Variants in NUP210L observed in about 807,000 individuals in gnomAD.
NUP210L encodes the protein nucleoporin 210 like.
Under a neutral mutation model 208.5 loss-of-function variants are expected in NUP210L, and 74 were observed. The observed-to-expected ratio is 0.35, with a 90% CI of 0.29 to 0.43. The LOEUF is 0.43. NUP210L is among the 20% of genes least tolerant of loss of function. NUP210L has a pLI of 1.00. For synonymous variants in NUP210L, 780 were observed against 816.9 expected (o/e 0.95, Z 0.77); for missense variants, 1,843 against 2,289.4 (o/e 0.81, Z 3.98).
intron 16 of NUP210L, among the ~76,000 whole-genome samples, chr1:154,071,034 G>A (rs1654687690): frequency 6.7e-6 from 1 of 149,462 alleles, no homozygotes; most frequent in South Asian, 2.1e-4. Context: ...TTTTGTTATT[G>A]TTTTTCATGA....
At chr1:154,108,350 G>T (rs1343965424) in intron 12 of NUP210L, among the ~76,000 whole-genome samples, 2 of 151,996 alleles carry the variant, frequency 1.3e-5, no homozygotes, top group African/African-American at 2.4e-5. Context: ...TAGAGACAGG[G>T]TTTCACCATG....
Position 154,029,686 on chromosome 1 carries a change from G to A in NUP210L, c.3855+210C>T, listed in dbSNP as rs149062762. 7.6e-4 allele frequency among the ~76,000 whole-genome samples: 116 copies of A among 152,092 alleles called. 1 individual carries two copies. The highest frequency in any genetic ancestry group is 2.6e-3 in the African/African-American group (107 of 41,502). On this transcript the variant is annotated intron_variant, in intron 28 of 39. Transcript: ENST00000368559. ...GCCTTGGCAACAAGAGCGAAACTCC[G>A]TCTCAAAACAAAACAAAACAAAAAC...
At chr1:154,117,566 CAG>C (rs1657391241) in intron 12 of NUP210L, among the ~76,000 whole-genome samples, 157 bp downstream of exon 12, 1 of 151,884 alleles carries the variant, frequency 6.6e-6, no homozygotes, top group Non-Finnish European at 1.5e-5. Context: ...GCCTGGGAAA[CAG>C]AGCAACATCT....
chr1:154,124,711 G>A (rs1156556320), intron 10 of NUP210L, among the ~76,000 whole-genome samples: 1 of 152,146 alleles, frequency 6.6e-6, no homozygotes, highest in African/African-American at 2.4e-5. Flanking sequence ...CAACATTTTG[G>A]GACGCCAAGG....
intron 33 of NUP210L, among the ~76,000 whole-genome samples, chr1:154,018,445 C>T (rs1651386373): frequency 6.6e-6 from 1 of 152,270 alleles, no homozygotes; most frequent in Non-Finnish European, 1.5e-5. Context: ...ACTGTTCCAC[C>T]TACAGTCTTC....
intron 12 of NUP210L, among the ~76,000 whole-genome samples, chr1:154,108,850 C>T (rs1228689619): frequency 6.6e-6 from 1 of 151,756 alleles, no homozygotes; most frequent in African/African-American, 2.4e-5. Context: ...CCTATAATCC[C>T]AGCACTTTGG....
Position 153,993,895 on chromosome 1 carries a change from CAAAA to C in NUP210L, c.5492-810_5492-807del, listed in dbSNP as rs560022336. On this transcript the variant is annotated intron_variant, in intron 38 of 39. Transcript: ENST00000368559. ...CCTGGGTGACAATGGGACTCCATCT[CAAAA>C]AAATTTTTTTTTAGACACACAGTAT... 3.3e-5 allele frequency among the ~76,000 whole-genome samples: 5 copies of C among 152,106 alleles called. 1 individual carries two copies. Among genetic ancestry groups the C allele is most frequent in the African/African-American group, 1.2e-4 (5 of 41,492 alleles).
In NUP210L at chr1:154,027,508, G is replaced by A. The variant is rs773901198; in HGVS notation, c.3945C>T (p.Asn1315=). ...TCCTTATTCTCCCTTTTCCTTACCT[G>A]TTGGTATGGAGTTTGAGCTGAGAAT... Residue 1315 remains asparagine, a splice_region_variant and synonymous_variant, in exon 29 of 40, where the codon AAC becomes AAT. Transcript: ENST00000368559. 2.5e-6 allele frequency: 4 copies of A among 1,597,722 alleles called. No individual in the cohort carries two copies. In the Admixed American group the frequency reaches 6.7e-5, roughly 27 times the overall value.
At chr1:154,140,677 A>C (rs184102744) in intron 4 of NUP210L, among the ~76,000 whole-genome samples, 39 of 146,696 alleles carry the variant, frequency 2.7e-4, no homozygotes, top group African/African-American at 8.4e-4. Flanking sequence ...AAAAAAAAAA[A>C]CAGAAAAAGA....
intron 37 of NUP210L, chr1:153,995,714 A>G (rs1016901038): frequency 5.3e-6 from 5 of 949,594 alleles, no homozygotes; most frequent in Admixed American, 3.4e-5. Context: ...ACCCTTGGTA[A>G]TAGAATTGTT....
At chr1:154,126,125 A>G (rs2148116521) in intron 10 of NUP210L, among the ~76,000 whole-genome samples, 198 bp downstream of exon 10, 1 of 152,284 alleles carries the variant, frequency 6.6e-6, no homozygotes, top group East Asian at 1.9e-4. Context: ...ATGACCGCAA[A>G]TGCAGATATT....
At chr1:154,068,652 C>G (rs1357312125) in intron 17 of NUP210L, among the ~76,000 whole-genome samples, 1 of 152,110 alleles carries the variant, frequency 6.6e-6, no homozygotes, top group African/African-American at 2.4e-5. Flanking sequence ...TGCACTCCAG[C>G]CTGGGTGACA....
intron 12 of NUP210L, among the ~76,000 whole-genome samples, chr1:154,105,359 G>A (rs552896001): frequency 9.6e-4 from 146 of 152,066 alleles, no homozygotes; most frequent in Non-Finnish European, 1.8e-3. Flanking sequence ...GCGTGGTGGC[G>A]GGCACCTGTA....
Position 153,995,198 on chromosome 1 carries a change from CAA to C in NUP210L, c.5387-20_5387-19del, listed in dbSNP as rs1163057068. The C allele has an allele frequency of 1.3e-6, 2 of 1,553,618 alleles. No individual in the cohort carries two copies. Among genetic ancestry groups the C allele is most frequent in the African/African-American group, 1.4e-5 (1 of 73,194 alleles). ...ACAGTGATCTATACATTGGCCATAA[CAA>C]AACAAGATAATAGTTAATAGCAACC... On this transcript the variant is annotated intron_variant, in intron 37 of 39. Coordinates refer to ENST00000368559, the Ensembl canonical transcript of NUP210L.
intron 17 of NUP210L, among the ~76,000 whole-genome samples, chr1:154,063,488 C>A (rs560794726): frequency 6.6e-6 from 1 of 152,216 alleles, no homozygotes; most frequent in East Asian, 1.9e-4. Flanking sequence ...CTACAACATA[C>A]AAATTTTACC....
At chr1:154,136,084 G>A (rs1658531474) in intron 6 of NUP210L, 112 bp from the exon 7 acceptor site, 2 of 729,420 alleles carry the variant, frequency 2.7e-6, no homozygotes, top group African/African-American at 3.5e-5. Context: ...ATAAGAGTAT[G>A]ATCTGCTTCT....
chr1:154,018,490 C>T lies in NUP210L; in HGVS notation c.4653+443G>A, dbSNP rs532549268. Among the ~76,000 whole-genome samples the T allele has an allele frequency of 5.3e-5, 8 of 152,288 alleles. No homozygotes were observed. In the South Asian group the frequency reaches 1.7e-3, roughly 32 times the overall value. Reference sequence around the variant, plus strand: ...GTTGACGGTAATGCTGTCCTTTCAGCTGTTCAACCAAAAACCTGAATCATT... The same window carrying T: ...GTTGACGGTAATGCTGTCCTTTCAGTTGTTCAACCAAAAACCTGAATCATT... On this transcript the variant is annotated intron_variant, in intron 33 of 39. Coordinates refer to ENST00000368559, the Ensembl canonical transcript of NUP210L.
chr1:154,054,716 G>C (rs1653714575), intron 24 of NUP210L, 54 bp downstream of exon 24: 5 of 1,216,778 alleles, frequency 4.1e-6, no homozygotes, highest in Non-Finnish European at 6.1e-6. Context: ...GTGTGAGAGA[G>C]AGAGAGAGGT....
In NUP210L at chr1:154,147,675, T is replaced by G. The variant is rs180782775; in HGVS notation, c.341-4098A>C. Among the ~76,000 whole-genome samples, 246 of 151,676 alleles carry G rather than the reference T, an allele frequency of 1.6e-3. 1 individual carries two copies. Among genetic ancestry groups the G allele is most frequent in the African/African-American group, 5.8e-3 (239 of 41,388 alleles). On this transcript the variant is annotated intron_variant, in intron 2 of 39. Coordinates refer to ENST00000368559, the Ensembl canonical transcript of NUP210L. Reference sequence around the variant, plus strand: ...CACTGTTTGTTTGTTTGTTTGTCTTTGAGACAAAGTCTCTCTCTGTCGCAA... The same window carrying G: ...CACTGTTTGTTTGTTTGTTTGTCTTGGAGACAAAGTCTCTCTCTGTCGCAA...
Sources: gnomAD v4.1 joint callset for allele counts (sites outside exome capture counted in the v4.1 genomes callset) on GRCh38, gnomAD v4.1.1 for gene constraint, MANE v1.5 for transcripts, NCBI Gene and HGNC (gene_info 2026-07-23, HGNC 2026-07-21) for gene names.